The following NALF1 variants were observed in gnomAD, a reference collection of about 807,000 sequenced individuals.
The protein encoded by NALF1 is family with sequence similarity 155 member A.
A neutral mutation model predicts 48.4 loss-of-function variants in NALF1; 3 were observed. That is an observed-to-expected ratio of 0.06 (90% CI 0.03 to 0.16). The LOEUF is 0.16. Among genes scored for constraint, NALF1 ranks in the 10% least tolerant of loss-of-function variants. NALF1 has a pLI of 1.00. For synonymous variants in NALF1, 262 were observed against 245.7 expected, an observed-to-expected ratio of 1.07 and a Z score of -0.62; for missense variants, 526 against 571.5, an observed-to-expected ratio of 0.92 and a Z score of 0.81.
At chr13:107,652,227 C>T (rs1880466126) in intron 1 of NALF1, among the ~76,000 whole-genome samples, 1 of 152,024 alleles carries the variant, frequency 6.6e-6, no homozygotes, top group Admixed American at 6.6e-5. Flanking sequence ...TTAACTCTGT[C>T]CCATTTAAAT....
intron 1 of NALF1, among the ~76,000 whole-genome samples, chr13:107,558,284 C>T (rs1293328838): frequency 6.6e-6 from 1 of 151,616 alleles, no homozygotes; most frequent in African/African-American, 2.4e-5. Flanking sequence ...ATTTTCATTA[C>T]TTCTAATTGT....
chr13:107,722,475 C>A (rs1440126438), intron 1 of NALF1, among the ~76,000 whole-genome samples: 2 of 152,092 alleles, frequency 1.3e-5, no homozygotes, highest in African/African-American at 4.8e-5. Flanking sequence ...CTGCTCTGGC[C>A]ACCTTGTCTT....
chr13:107,207,330 C>G (rs1404379955), intron 2 of NALF1, among the ~76,000 whole-genome samples: 1 of 152,062 alleles, frequency 6.6e-6, no homozygotes, highest in Non-Finnish European at 1.5e-5. Flanking sequence ...GTAAATGGCT[C>G]ACATTTACTT....
chr13:107,591,725 G>A (rs193221906), intron 1 of NALF1, among the ~76,000 whole-genome samples: 2 of 152,028 alleles, frequency 1.3e-5, no homozygotes, highest in Non-Finnish European at 2.9e-5. Flanking sequence ...CTTTGTGAAT[G>A]ATTCTCAGTA....
Position 107,168,890 on chromosome 13 carries a change from T to G in NALF1, c.*1607A>C, listed in dbSNP as rs1411225053. 1 of 152,630 alleles carries G rather than the reference T, an allele frequency of 6.6e-6. No individual in the cohort carries two copies. The highest frequency in any genetic ancestry group is 1.5e-5 in the Non-Finnish European group (1 of 68,028). 9.5% of individuals were successfully genotyped at this position (152,630 alleles called of 1,614,324 possible). ...ACCTTTTCTATGGATTTCCTTCATC[T>G]CTCAGTCACACTGCAAACTTATCTG... is the stretch of plus-strand genomic sequence containing the variant. On this transcript the variant is annotated 3_prime_UTR_variant, in exon 3 of 3. Transcript: ENST00000375915.
intron 1 of NALF1, among the ~76,000 whole-genome samples, chr13:107,369,409 A>G (rs1185595732): frequency 6.6e-6 from 1 of 152,200 alleles, no homozygotes; most frequent in Non-Finnish European, 1.5e-5. Context: ...TAACTGGTGT[A>G]TATCTTTCCA....
chr13:107,524,232 T>C (rs1455080962), intron 1 of NALF1, among the ~76,000 whole-genome samples: 1 of 152,098 alleles, frequency 6.6e-6, no homozygotes, highest in African/African-American at 2.4e-5. Flanking sequence ...TCAGAAGTAA[T>C]ATGATTTTTC....
chr13:107,507,776 C>A (rs1234507878), intron 1 of NALF1, among the ~76,000 whole-genome samples: 1 of 151,956 alleles, frequency 6.6e-6, no homozygotes, highest in Non-Finnish European at 1.5e-5. Flanking sequence ...TAGGAAATAA[C>A]TAGACCTGAT....
At chr13:107,172,588 A>T (rs550555188) in intron 2 of NALF1, among the ~76,000 whole-genome samples, 23 of 151,228 alleles carry the variant, frequency 1.5e-4, no homozygotes, top group East Asian at 5.8e-4. Flanking sequence ...GGTAGAATAT[A>T]AAAAAAAACT....
At chr13:107,614,871 G>A (rs1375077333) in intron 1 of NALF1, among the ~76,000 whole-genome samples, 2 of 151,084 alleles carry the variant, frequency 1.3e-5, no homozygotes, top group Non-Finnish European at 1.5e-5. Flanking sequence ...TCCGCCTCTC[G>A]GTTCAAGTGA....
At chr13:107,284,932 C>A (rs1204204639) in intron 1 of NALF1, among the ~76,000 whole-genome samples, 3 of 150,804 alleles carry the variant, frequency 2.0e-5, no homozygotes, top group African/African-American at 7.4e-5. Flanking sequence ...GATAGATTGA[C>A]TTGACTAATA....
At chr13:107,528,892 A>G (rs933815713) in intron 1 of NALF1, among the ~76,000 whole-genome samples, 1 of 152,192 alleles carries the variant, frequency 6.6e-6, no homozygotes, top group Admixed American at 6.5e-5. Context: ...CAAAAGCACA[A>G]TGAAATCTTT....
intron 1 of NALF1, among the ~76,000 whole-genome samples, chr13:107,673,757 G>C (rs751501797): frequency 6.6e-6 from 1 of 152,016 alleles, no homozygotes; most frequent in Non-Finnish European, 1.5e-5. Context: ...ACTATACATT[G>C]CATGTATCAA....
intron 1 of NALF1, among the ~76,000 whole-genome samples, chr13:107,721,718 C>G (rs985581408): frequency 6.6e-6 from 1 of 152,098 alleles, no homozygotes; most frequent in Admixed American, 6.6e-5. Flanking sequence ...GGGGAGATCC[C>G]CCATTTGCAT....
chr13:107,541,644 A>G (rs1034530948), intron 1 of NALF1, among the ~76,000 whole-genome samples: 21 of 151,976 alleles, frequency 1.4e-4, no homozygotes, highest in Admixed American at 3.9e-4. Flanking sequence ...TTGGTGATAT[A>G]TGTGTGTGTG....
chr13:107,631,738 C>T (rs370065253), intron 1 of NALF1, among the ~76,000 whole-genome samples: 3 of 152,084 alleles, frequency 2.0e-5, no homozygotes, highest in African/African-American at 7.2e-5. Flanking sequence ...TAAGCCTCTA[C>T]ATATGCTTGC....
chr13:107,647,463 G>GAA (rs552279359), intron 1 of NALF1, among the ~76,000 whole-genome samples: 28 of 130,442 alleles, frequency 2.1e-4, no homozygotes, highest in African/African-American at 5.6e-4. Flanking sequence ...ATGTTTTATC[G>GAA]AAAAAAAAAA....
chr13:107,626,593 A>G (rs902482228), intron 1 of NALF1, among the ~76,000 whole-genome samples: 4 of 152,136 alleles, frequency 2.6e-5, no homozygotes, highest in African/African-American at 9.7e-5. Context: ...CAATTTAAAA[A>G]GAATAAAATG....
intron 1 of NALF1, among the ~76,000 whole-genome samples, chr13:107,756,635 T>C (rs1441365453): frequency 6.6e-6 from 1 of 152,040 alleles, no homozygotes; most frequent in Admixed American, 6.6e-5. Flanking sequence ...CTCCATGGAT[T>C]TGTCACCACT....
Sources: allele counts gnomAD v4.1 joint callset (sites outside exome capture counted in the v4.1 genomes callset), GRCh38; gene constraint gnomAD v4.1.1; transcripts MANE v1.5; gene names NCBI Gene and HGNC (gene_info 2026-07-23, HGNC 2026-07-21).